The following PHACTR3 variants were observed in gnomAD, a reference collection of about 807,000 sequenced individuals.
The protein encoded by PHACTR3 is phosphatase and actin regulator 3.
Under a neutral mutation model 66.8 loss-of-function variants are expected in PHACTR3, and 16 were observed. The ratio of observed to expected loss-of-function variants is 0.24; its 90% CI spans 0.16 to 0.36. PHACTR3 has a LOEUF of 0.36. Among genes scored for constraint, PHACTR3 ranks in the 10% least tolerant of loss-of-function variants. The pLI is 1.00. For missense variants in PHACTR3, 647 were observed against 719.9 expected, an observed-to-expected ratio of 0.90 and a Z score of 1.16; for synonymous variants, 323 against 292.1, an observed-to-expected ratio of 1.11 and a Z score of -1.08.
intron 1 of PHACTR3, among the ~76,000 whole-genome samples, chr20:59,695,794 A>G (rs1265412797): frequency 1.3e-5 from 2 of 151,744 alleles, no homozygotes; most frequent in Non-Finnish European, 2.9e-5. Flanking sequence ...GTGCAGAGGC[A>G]TAATATCAGC....
intron 3 of PHACTR3, among the ~76,000 whole-genome samples, chr20:59,752,473 G>A (rs972687528): frequency 1.4e-5 from 2 of 147,530 alleles, no homozygotes; most frequent in African/African-American, 2.5e-5. Context: ...TCTTAGCAAC[G>A]GCCCTGCCAC....
At chr20:59,647,018 G>A (rs2035303303) in intron 1 of PHACTR3, among the ~76,000 whole-genome samples, 1 of 152,192 alleles carries the variant, frequency 6.6e-6, no homozygotes, top group Admixed American at 6.5e-5. Flanking sequence ...GTTGCAGTCG[G>A]GCAGATCAGC....
At chr20:59,626,296 C>G (rs2034444712) in intron 1 of PHACTR3, among the ~76,000 whole-genome samples, 1 of 152,044 alleles carries the variant, frequency 6.6e-6, no homozygotes, top group South Asian at 2.1e-4. Flanking sequence ...GGGAAACAGA[C>G]AGCATAGAAA....
chr20:59,784,782 T>C (rs542835605), intron 7 of PHACTR3, among the ~76,000 whole-genome samples: 1 of 152,286 alleles, frequency 6.6e-6, no homozygotes, highest in South Asian at 2.1e-4. Flanking sequence ...ATAGGAAAAC[T>C]AAATCCTAGC....
At chr20:59,711,655 CA>C (rs2037918475) in intron 1 of PHACTR3, among the ~76,000 whole-genome samples, 2 of 152,270 alleles carry the variant, frequency 1.3e-5, no homozygotes, top group South Asian at 4.2e-4. Flanking sequence ...AGGCAAAAAT[CA>C]TCTACCACAG....
At chr20:59,651,250 A>G (rs1568960224) in intron 1 of PHACTR3, among the ~76,000 whole-genome samples, 1 of 152,180 alleles carries the variant, frequency 6.6e-6, no homozygotes, top group East Asian at 1.9e-4. Flanking sequence ...GAATAAATAC[A>G]TCCTCCCATT....
chr20:59,654,100 T>C (rs2035541836), intron 1 of PHACTR3, among the ~76,000 whole-genome samples: 1 of 152,226 alleles, frequency 6.6e-6, no homozygotes, highest in Admixed American at 6.5e-5. Flanking sequence ...GGATAATGAC[T>C]AGAATTGATT....
rs201887843 is a variant in PHACTR3 at position 59,736,880 on chromosome 20, A to G, written c.119-6227A>G. ...AGAGGGGAGAGGGAATTTCCTCCCA[A>G]GGGGGATGCAGAGCAGCACAGCCTG... On this transcript the variant is annotated intron_variant, in intron 1 of 12. Transcript: ENST00000371015. This position sits in a 1 kb window ranked among gnomAD's most constrained non-coding sequence, Gnocchi z 4.6. 1.8e-4 allele frequency among the ~76,000 whole-genome samples: 28 copies of G among 152,160 alleles called. No homozygotes were observed. The East Asian group carries it at 5.2e-3, about 28-fold the overall frequency.
intron 7 of PHACTR3, among the ~76,000 whole-genome samples, chr20:59,789,349 A>G (rs2041021848): frequency 6.6e-6 from 1 of 152,242 alleles, no homozygotes; most frequent in Non-Finnish European, 1.5e-5. Flanking sequence ...AGCCTGGGCT[A>G]TGCCTATATG....
At chr20:59,620,055 T>G (rs558329375) in intron 1 of PHACTR3, among the ~76,000 whole-genome samples, 2 of 152,308 alleles carry the variant, frequency 1.3e-5, no homozygotes, top group African/African-American at 4.8e-5. Context: ...CCTCCCTGGC[T>G]TCTCACACTC....
At position 59,774,501 on chromosome 20, in the gene PHACTR3, G is replaced by A. The variant is rs370092129; in HGVS notation, c.1174+11G>A. ...ACTCCATTATTTCTGGTGAGGAAAG[G>A]ATGGCCCATTAAGTGTGGGGATCTC... On this transcript the variant is annotated intron_variant, in intron 7 of 12. Transcript: ENST00000371015. The A allele has an allele frequency of 1.5e-4, 236 of 1,612,022 alleles. No homozygotes were observed. The highest frequency in any genetic ancestry group is 1.8e-4 in the Non-Finnish European group (211 of 1,179,110).
chr20:59,716,850 G>A (rs940103333), intron 1 of PHACTR3, among the ~76,000 whole-genome samples: 3 of 152,152 alleles, frequency 2.0e-5, no homozygotes, highest in Non-Finnish European at 2.9e-5. Context: ...CAATAAATGC[G>A]CCTTGCTCTC....
chr20:59,586,741 C>A (rs1395374269), intron 1 of PHACTR3, among the ~76,000 whole-genome samples: 2 of 152,204 alleles, frequency 1.3e-5, no homozygotes, highest in Non-Finnish European at 2.9e-5. Context: ...GATAGTCACA[C>A]CAGCCAGGTC....
At chr20:59,584,845 C>T (rs547417992) in intron 1 of PHACTR3, among the ~76,000 whole-genome samples, 2 of 152,338 alleles carry the variant, frequency 1.3e-5, no homozygotes, top group Non-Finnish European at 2.9e-5. Flanking sequence ...TCTTTTCCCC[C>T]TGTAAGCTCT....
At chr20:59,710,188 A>T (rs6070919) in intron 1 of PHACTR3, among the ~76,000 whole-genome samples, 7 of 151,810 alleles carry the variant, frequency 4.6e-5, no homozygotes, top group Non-Finnish European at 8.8e-5. Flanking sequence ...CAAAAGGCTT[A>T]TCTTAACAAG....
chr20:59,616,492 T>C (rs2146355237), intron 1 of PHACTR3, among the ~76,000 whole-genome samples: 1 of 152,352 alleles, frequency 6.6e-6, no homozygotes, highest in Middle Eastern at 3.4e-3. Flanking sequence ...CTGGAGCTGG[T>C]TCAGGAGACT....
rs532949221 is a variant in PHACTR3 at position 59,771,000 on chromosome 20, C to A, written c.752-2279C>A. Among the ~76,000 whole-genome samples, 3 of 152,290 alleles carry A rather than the reference C, an allele frequency of 2.0e-5. No individual in the cohort carries two copies. The East Asian group carries it at 5.8e-4, about 29-fold the overall frequency. On this transcript the variant is annotated intron_variant, in intron 5 of 12. Coordinates refer to ENST00000371015, the MANE Select transcript of PHACTR3 (RefSeq NM_080672.5). ...GAGGTGGCTTCTGAACCTCAGCTTCCTCATCTGTGAAATGGGGGTGACAAG... is the reference window on the plus strand; with the variant it reads ...GAGGTGGCTTCTGAACCTCAGCTTCATCATCTGTGAAATGGGGGTGACAAG...
chr20:59,698,284 A>T (rs1239726866), intron 1 of PHACTR3, among the ~76,000 whole-genome samples: 1 of 152,216 alleles, frequency 6.6e-6, no homozygotes, highest in Non-Finnish European at 1.5e-5. Flanking sequence ...GTGAAATGAA[A>T]AAAAGACTGG....
intron 8 of PHACTR3, among the ~76,000 whole-genome samples, chr20:59,811,302 A>C (rs1185820): frequency 0.46 from 69,443 of 152,068 alleles, 17,021 homozygotes; most frequent in African/African-American, 0.65. Flanking sequence ...TCAGGGTATC[A>C]GCTGGCAACT....
Sources: gnomAD v4.1 joint callset for allele counts (sites outside exome capture counted in the v4.1 genomes callset) on GRCh38, gnomAD v4.1.1 for gene constraint, Gnocchi (gnomAD v3.1) non-coding constraint, MANE v1.5 for transcripts, NCBI Gene and HGNC (gene_info 2026-07-23, HGNC 2026-07-21) for gene names.